NLGN1: variants seen among roughly 807,000 people sequenced by gnomAD.
NLGN1 encodes the protein neuroligin 1, also known as neuroligin-1.
Under a neutral mutation model 65.5 loss-of-function variants are expected in NLGN1, and 12 were observed. The ratio of observed to expected loss-of-function variants is 0.18; its 90% CI spans 0.12 to 0.30. The LOEUF is 0.30. NLGN1 is among the 10% of genes least tolerant of loss of function. The pLI is 1.00. For missense variants in NLGN1, 750 were observed against 1,007.1 expected (o/e 0.74, Z 3.46); for synonymous variants, 350 against 359.5 (o/e 0.97, Z 0.30).
At chr3:173,506,449 A>T (rs187350272) in intron 2 of NLGN1, among the ~76,000 whole-genome samples, 1 of 152,188 alleles carries the variant, frequency 6.6e-6, no homozygotes, top group East Asian at 1.9e-4. Context: ...CTTAATTATG[A>T]ATTTAGACAA....
intron 4 of NLGN1, among the ~76,000 whole-genome samples, chr3:173,847,883 A>T (rs371647692): frequency 1.6e-3 from 246 of 152,306 alleles, no homozygotes; most frequent in Middle Eastern, 0.014. Flanking sequence ...AAAAATAAAT[A>T]AATTAATTAA....
At position 173,941,649 on chromosome 3, in the gene NLGN1, GAGAT is replaced by G. The variant is rs565023093; in HGVS notation, c.646+133827_646+133830del. On this transcript the variant is annotated intron_variant, in intron 4 of 6. Transcript: ENST00000457714. ...TTTTTTAGATAGGTGGATGGAGACT[GAGAT>G]AGATAGATAATAGATCAATTAAAAA... is the stretch of plus-strand genomic sequence containing the variant. Among the ~76,000 whole-genome samples the G allele has an allele frequency of 4.6e-4, 70 of 152,068 alleles. No individual in the cohort carries two copies. In the South Asian group the frequency reaches 5.8e-3, roughly 13 times the overall value.
chr3:173,655,648 T>C lies in NLGN1; in HGVS notation c.493+50557T>C, dbSNP rs1379143798. Reference sequence around the variant, plus strand: ...TGAAATTATTTCTGGATGAATTTGTTTATTTCTTATTTCTCAGGTGTATTT... The same window carrying C: ...TGAAATTATTTCTGGATGAATTTGTCTATTTCTTATTTCTCAGGTGTATTT... On this transcript the variant is annotated intron_variant, in intron 3 of 6. Coordinates refer to ENST00000457714, the Ensembl canonical transcript of NLGN1. Among the ~76,000 whole-genome samples, 4 of 152,210 alleles carry C rather than the reference T, an allele frequency of 2.6e-5. No individual in the cohort carries two copies. In the East Asian group the frequency reaches 7.7e-4, roughly 29 times the overall value.
intron 5 of NLGN1, among the ~76,000 whole-genome samples, chr3:174,278,341 C>G (rs1189356959): frequency 6.6e-6 from 1 of 151,946 alleles, no homozygotes; most frequent in Non-Finnish European, 1.5e-5. Context: ...TATAAACAAA[C>G]AGCCAGCCCC....
chr3:173,809,960 G>T (rs1717526567), intron 4 of NLGN1, among the ~76,000 whole-genome samples: 1 of 152,110 alleles, frequency 6.6e-6, no homozygotes, highest in Non-Finnish European at 1.5e-5. Flanking sequence ...ACATTTAGTT[G>T]TCTCCTCTCC....
intron 3 of NLGN1, among the ~76,000 whole-genome samples, chr3:173,805,699 C>T (rs1716486550): frequency 6.6e-6 from 1 of 152,144 alleles, no homozygotes; most frequent in African/African-American, 2.4e-5. Flanking sequence ...CTCTGTGCTA[C>T]CTCCAAGCAT....
intron 2 of NLGN1, among the ~76,000 whole-genome samples, chr3:173,465,723 T>C (rs1018316437): frequency 1.5e-4 from 23 of 152,128 alleles, no homozygotes; most frequent in South Asian, 6.2e-4. Context: ...TATTGTTATA[T>C]TGAGAGATTA....
At chr3:173,808,483 ATAACT>A (rs1488437224) in intron 4 of NLGN1, among the ~76,000 whole-genome samples, 1 of 152,176 alleles carries the variant, frequency 6.6e-6, no homozygotes, top group Non-Finnish European at 1.5e-5. Context: ...TACTTATAAA[ATAACT>A]TAGGTATTCT....
chr3:173,907,570 ATCTC>A (rs1392634157), intron 4 of NLGN1, among the ~76,000 whole-genome samples: 8 of 143,502 alleles, frequency 5.6e-5, no homozygotes, highest in Non-Finnish European at 9.0e-5. Flanking sequence ...AGATGGCTTT[ATCTC>A]TCTCTCTCTT....
At chr3:173,893,133 A>T (rs976190666) in intron 4 of NLGN1, among the ~76,000 whole-genome samples, 4 of 152,084 alleles carry the variant, frequency 2.6e-5, no homozygotes, top group Non-Finnish European at 5.9e-5. Context: ...CAAACCCAGC[A>T]TATCTCAAAT....
In NLGN1 at chr3:174,233,006, T is replaced by C. The variant is rs970182506; in HGVS notation, c.647-42309T>C. Among the ~76,000 whole-genome samples, 15 of 152,200 alleles carry C rather than the reference T, an allele frequency of 9.9e-5. 1 individual carries two copies. Among genetic ancestry groups the C allele is most frequent in the African/African-American group, 3.4e-4 (14 of 41,458 alleles). Reference sequence around the variant, plus strand: ...ATATTTTGGGATAAAATGCTTTAATTTCCTTCAAAACCAAAGAACAAGGTA... The same window carrying C: ...ATATTTTGGGATAAAATGCTTTAATCTCCTTCAAAACCAAAGAACAAGGTA... On this transcript the variant is annotated intron_variant, in intron 4 of 6. Transcript: ENST00000457714.
chr3:173,967,037 C>A (rs554692308), intron 4 of NLGN1, among the ~76,000 whole-genome samples: 1 of 152,300 alleles, frequency 6.6e-6, no homozygotes, highest in African/African-American at 2.4e-5. Flanking sequence ...TAACATCTAA[C>A]GATAAGACAA....
At chr3:173,560,033 T>C (rs1291905332) in intron 2 of NLGN1, among the ~76,000 whole-genome samples, 3 of 151,204 alleles carry the variant, frequency 2.0e-5, no homozygotes, top group African/African-American at 7.3e-5. Context: ...CAGCTCCGCC[T>C]TCCGGGTTCA....
intron 4 of NLGN1, among the ~76,000 whole-genome samples, chr3:174,208,542 T>C (rs1735841958): frequency 6.6e-6 from 1 of 152,160 alleles, no homozygotes; most frequent in Admixed American, 6.5e-5. Context: ...TGGAATTTTC[T>C]AGTGCTCTCT....
intron 3 of NLGN1, among the ~76,000 whole-genome samples, chr3:173,779,509 C>T (rs9818020): frequency 0.63 from 95,294 of 151,738 alleles, 31,612 homozygotes; most frequent in Non-Finnish European, 0.74. Context: ...CAAAATTTTA[C>T]GGAGTCCTGT....
At chr3:173,909,538 T>C (rs1739145651) in intron 4 of NLGN1, among the ~76,000 whole-genome samples, 1 of 152,212 alleles carries the variant, frequency 6.6e-6, no homozygotes, top group Non-Finnish European at 1.5e-5. Context: ...AGCAATCAGC[T>C]TGCCTGGAGA....
intron 4 of NLGN1, among the ~76,000 whole-genome samples, chr3:174,086,092 C>A (rs1743174161): frequency 6.6e-6 from 1 of 151,628 alleles, no homozygotes; most frequent in Non-Finnish European, 1.5e-5. Flanking sequence ...CTTTTCTGAT[C>A]ATACATACCA....
intron 4 of NLGN1, among the ~76,000 whole-genome samples, chr3:173,877,518 G>C (rs1459300344): frequency 6.6e-6 from 1 of 151,910 alleles, no homozygotes; most frequent in Admixed American, 6.6e-5. Context: ...GCAGAAACTT[G>C]AGTAAGTTCT....
chr3:173,949,594 T>C (rs2152325936), intron 4 of NLGN1, among the ~76,000 whole-genome samples: 1 of 152,296 alleles, frequency 6.6e-6, no homozygotes, highest in African/African-American at 2.4e-5. Context: ...AATTGTTAAA[T>C]AATCTTCAGT....
Sources: allele counts gnomAD v4.1 joint callset (sites outside exome capture counted in the v4.1 genomes callset), GRCh38; gene constraint gnomAD v4.1.1; transcripts MANE v1.5; gene names NCBI Gene and HGNC (gene_info 2026-07-23, HGNC 2026-07-21).